DNAH11: variants seen among roughly 807,000 people sequenced by gnomAD.
DNAH11 encodes the protein axonemal beta dynein heavy chain 11.
A neutral mutation model predicts 526.0 loss-of-function variants in DNAH11; 442 were observed. The observed-to-expected ratio is 0.84, with a 90% CI of 0.78 to 0.91. The LOEUF (loss-of-function observed/expected upper bound fraction) is 0.91. DNAH11 is among the 40% of genes least tolerant of loss of function. DNAH11 has a pLI of 0.00. For missense variants in DNAH11, 6,989 were observed against 5,448.7 expected (o/e 1.28, Z -8.90); for synonymous variants, 2,461 against 1,935.9 (o/e 1.27, Z -7.12).
At chr7:21,865,629 A>G (rs1022347199) in intron 70 of DNAH11, among the ~76,000 whole-genome samples, 29 of 152,344 alleles carry the variant, frequency 1.9e-4, no homozygotes, top group African/African-American at 6.7e-4. Context: ...CCCAAACCAC[A>G]TTCCCACGAG....
chr7:21,580,769 TTG>T (rs1358641479), intron 8 of DNAH11, among the ~76,000 whole-genome samples: 1 of 152,194 alleles, frequency 6.6e-6, no homozygotes, highest in Admixed American at 6.5e-5. Flanking sequence ...GCACCACTTC[TTG>T]ATACTATCGT....
At chr7:21,810,875 G>C (rs946237406) in intron 63 of DNAH11, among the ~76,000 whole-genome samples, 2 of 152,104 alleles carry the variant, frequency 1.3e-5, no homozygotes, top group Admixed American at 6.5e-5. Context: ...ATATGGTAAA[G>C]TTTCCCAAAA....
chr7:21,619,057 A>G (rs778018477), intron 23 of DNAH11, 43 bp from the exon 24 acceptor site: 7 of 1,611,074 alleles, frequency 4.3e-6, no homozygotes, highest in African/African-American at 4.0e-5. Flanking sequence ...GGAACCGTTC[A>G]TATATGTGGA....
intron 61 of DNAH11, among the ~76,000 whole-genome samples, chr7:21,796,674 A>G (rs921191271): frequency 5.9e-5 from 9 of 152,350 alleles, no homozygotes; most frequent in Middle Eastern, 3.4e-3. Flanking sequence ...ATCTGAGCAT[A>G]GGCTGTGGGG....
chr7:21,577,217 TA>T (rs1784130268), intron 8 of DNAH11, among the ~76,000 whole-genome samples: 1 of 152,170 alleles, frequency 6.6e-6, no homozygotes, highest in Non-Finnish European at 1.5e-5. Context: ...GGAGAGAGCT[TA>T]ACACAAAAGA....
chr7:21,797,184 A>G (rs1364689992), intron 61 of DNAH11, among the ~76,000 whole-genome samples: 1 of 152,194 alleles, frequency 6.6e-6, no homozygotes, highest in Non-Finnish European at 1.5e-5. Flanking sequence ...ATTTTAGAGT[A>G]AAATCATCTT....
chr7:21,568,659 C>T (rs139849091), intron 6 of DNAH11, among the ~76,000 whole-genome samples: 56 of 152,156 alleles, frequency 3.7e-4, no homozygotes, highest in Middle Eastern at 3.4e-3. Flanking sequence ...CTCATCTATG[C>T]GAGGGGCCAG....
chr7:21,855,606 T>A (rs1158729027), intron 68 of DNAH11, among the ~76,000 whole-genome samples: 1 of 152,244 alleles, frequency 6.6e-6, no homozygotes, highest in Non-Finnish European at 1.5e-5. Flanking sequence ...TTTGTTATTG[T>A]AAGAGCCAGC....
Position 21,558,959 on chromosome 7 carries a change from C to G in DNAH11, c.653C>G (p.Ala218Gly). The change falls in exon 3 of 82, where the codon GCA becomes GGA. Residue 218 changes from alanine to glycine, a missense_variant. Physicochemically the swap from Ala to Gly is moderately conservative, Grantham distance 60 (BLOSUM62 0). Coordinates refer to ENST00000409508, the MANE Select transcript of DNAH11 (RefSeq NM_001277115.2). ...RRTLLPIPTV[A>G]GKMDLDQNCS... ...ACTCTTCTACCAATTCCCACTGTTG[C>G]AGGAAAGATGGATCTGGATCAGAAT... The G allele has an allele frequency of 6.3e-7, 1 of 1,591,832 alleles. No homozygotes were observed. The highest frequency in any genetic ancestry group is 8.6e-7 in the Non-Finnish European group (1 of 1,167,986).
At chr7:21,694,696 A>T (rs1188895703) in intron 35 of DNAH11, among the ~76,000 whole-genome samples, 1 of 152,154 alleles carries the variant, frequency 6.6e-6, no homozygotes, top group Non-Finnish European at 1.5e-5. Flanking sequence ...ATGATTTATA[A>T]TCCCTTGGAT....
chr7:21,630,167 G>GA (rs965776643), intron 25 of DNAH11, among the ~76,000 whole-genome samples: 140 of 149,868 alleles, frequency 9.3e-4, no homozygotes, highest in Middle Eastern at 3.4e-3. Context: ...AGATCACAAA[G>GA]AAAAAAAAAC....
chr7:21,741,605 G>A (rs116253484), intron 48 of DNAH11, among the ~76,000 whole-genome samples: 237 of 152,298 alleles, frequency 1.6e-3, no homozygotes, highest in African/African-American at 5.4e-3. Context: ...ATTTGATGTG[G>A]CTTTGGCTGG....
intron 25 of DNAH11, among the ~76,000 whole-genome samples, chr7:21,633,343 C>T (rs1352000041): frequency 2.0e-5 from 3 of 152,148 alleles, no homozygotes; most frequent in South Asian, 4.1e-4. Context: ...CTAAGGTGTT[C>T]AAGTCCACTG....
chr7:21,726,471 CT>C (rs34691664), intron 45 of DNAH11, among the ~76,000 whole-genome samples: 90,962 of 150,174 alleles, frequency 0.61, 27,538 homozygotes, highest in South Asian at 0.71. Context: ...AAAAAAAAGT[CT>C]TTTTTTTTTC....
chr7:21,872,273 CCCA>C (rs890353363), intron 73 of DNAH11, among the ~76,000 whole-genome samples: 2 of 151,780 alleles, frequency 1.3e-5, no homozygotes, highest in African/African-American at 2.4e-5. Context: ...CATAATTCTG[CCCA>C]CCACATCTAC....
intron 61 of DNAH11, among the ~76,000 whole-genome samples, chr7:21,797,893 A>T (rs1198556749): frequency 6.6e-6 from 1 of 152,238 alleles, no homozygotes; most frequent in Non-Finnish European, 1.5e-5. Context: ...TTGCACACCA[A>T]GCTAACTTAC....
At chr7:21,874,200 A>T (rs1783612453) in intron 74 of DNAH11, among the ~76,000 whole-genome samples, 1 of 147,864 alleles carries the variant, frequency 6.8e-6, no homozygotes, top group Non-Finnish European at 1.5e-5. Flanking sequence ...ACATGGTAAA[A>T]GTTTCAGTGT....
At chr7:21,763,358 A>AAAAG (rs373202036) in intron 54 of DNAH11, among the ~76,000 whole-genome samples, 23,384 of 134,450 alleles carry the variant, frequency 0.17, 2,747 homozygotes, top group East Asian at 0.39. Flanking sequence ...AAAAAAAAAG[A>AAAAG]AAAAAAAAAA....
intron 76 of DNAH11, among the ~76,000 whole-genome samples, chr7:21,885,171 T>TA (rs778429337): frequency 0.026 from 2,974 of 114,502 alleles, 167 homozygotes; most frequent in South Asian, 0.034. Flanking sequence ...AAATGAACTA[T>TA]AAAAAAAAAA....
Sources: gnomAD v4.1 joint callset for allele counts (sites outside exome capture counted in the v4.1 genomes callset) on GRCh38, gnomAD v4.1.1 for gene constraint, MANE v1.5 for transcripts, NCBI Gene and HGNC (gene_info 2026-07-23, HGNC 2026-07-21) for gene names.